Variants in SH3RF1 observed in about 807,000 individuals in gnomAD.
The protein encoded by SH3RF1 is SH3 domain containing ring finger 1.
SH3RF1 carries 32 observed loss-of-function variants against 74.0 expected under a neutral mutation model. That is an observed-to-expected ratio of 0.43 (90% confidence interval 0.33 to 0.58). SH3RF1 has a LOEUF of 0.58. Among genes scored for constraint, SH3RF1 ranks in the 20% least tolerant of loss-of-function variants. The pLI, the probability that SH3RF1 is intolerant of heterozygous loss-of-function variation, is 0.05. For synonymous variants in SH3RF1, 396 were observed against 439.6 expected (o/e 0.90, Z 1.24); for missense variants, 954 against 1,130.9 (o/e 0.84, Z 2.24).
chr4:169,210,407 A>C (rs1352761058), intron 2 of SH3RF1, among the ~76,000 whole-genome samples: 1 of 152,228 alleles, frequency 6.6e-6, no homozygotes, highest in Non-Finnish European at 1.5e-5. Context: ...TTATTTGTAG[A>C]ATGATTGAAA....
chr4:169,141,580 A>G (rs1733786846), intron 4 of SH3RF1, among the ~76,000 whole-genome samples: 1 of 151,272 alleles, frequency 6.6e-6, no homozygotes, highest in African/African-American at 2.4e-5. Flanking sequence ...GCTTATTTCC[A>G]TACTCTATCC....
intron 6 of SH3RF1, among the ~76,000 whole-genome samples, chr4:169,128,017 A>G (rs1579095917): frequency 6.6e-6 from 1 of 152,188 alleles, no homozygotes; most frequent in Non-Finnish European, 1.5e-5. Flanking sequence ...TCATGTTTGC[A>G]CTCAAAATGT....
chr4:169,166,224 C>A (rs919296586), intron 2 of SH3RF1: 2 of 151,870 alleles, frequency 1.3e-5, no homozygotes, highest in Admixed American at 1.3e-4. Context: ...TCCTACTAAC[C>A]AACAATTTGA....
chr4:169,255,625 ACACACAC>A (rs1561066174), intron 2 of SH3RF1, among the ~76,000 whole-genome samples: 1,288 of 128,424 alleles, frequency 0.01, 13 homozygotes, highest in African/African-American at 0.034. Context: ...ACACACATAC[ACACACAC>A]ACACACACAC....
At chr4:169,220,617 G>T (rs546068634) in intron 2 of SH3RF1, among the ~76,000 whole-genome samples, 1 of 152,320 alleles carries the variant, frequency 6.6e-6, no homozygotes, top group Non-Finnish European at 1.5e-5. Context: ...CCCACTTCCA[G>T]CAGTCTGGGC....
intron 2 of SH3RF1, among the ~76,000 whole-genome samples, chr4:169,250,731 G>A (rs1181988684): frequency 6.6e-6 from 1 of 152,118 alleles, no homozygotes; most frequent in Non-Finnish European, 1.5e-5. Flanking sequence ...TGTATAATGT[G>A]ATTTTAGACA....
chr4:169,262,353 A>G (rs747262671), intron 2 of SH3RF1, among the ~76,000 whole-genome samples: 1 of 152,180 alleles, frequency 6.6e-6, no homozygotes, highest in Non-Finnish European at 1.5e-5. Flanking sequence ...TGAAATCTAC[A>G]TTCTTTCTCA....
intron 2 of SH3RF1, among the ~76,000 whole-genome samples, chr4:169,227,761 G>A (rs1218236943): frequency 6.6e-6 from 1 of 152,146 alleles, no homozygotes; most frequent in Non-Finnish European, 1.5e-5. Context: ...AGTGCCCATC[G>A]AAGCCAGACC....
rs577686083 is a variant in SH3RF1, at chr4:169,236,312, T to A, written c.393+32508A>T. ...CCAGAACTCGACTTGCCAATTCCCT[T>A]CCTGGAAGCATGTGCTGAGATGGAG... On this transcript the variant is annotated intron_variant, in intron 2 of 11. Transcript: ENST00000284637. Among the ~76,000 whole-genome samples, 44 of 152,312 alleles carry A rather than the reference T, an allele frequency of 2.9e-4. 1 individual carries two copies. The South Asian group carries it at 8.3e-3, about 29-fold the overall frequency.
intron 2 of SH3RF1, among the ~76,000 whole-genome samples, chr4:169,256,615 G>T (rs1274066499): frequency 6.6e-6 from 1 of 151,938 alleles, no homozygotes; most frequent in Non-Finnish European, 1.5e-5. Flanking sequence ...CTTTCTTTTA[G>T]AGACAAGGTC....
At chr4:169,151,359 C>T (rs532868862) in intron 4 of SH3RF1, among the ~76,000 whole-genome samples, 102 of 152,320 alleles carry the variant, frequency 6.7e-4, no homozygotes, top group African/African-American at 2.3e-3. Context: ...ACTGACATTG[C>T]TCTTGCTGGT....
chr4:169,159,208 A>G (rs1037875872), intron 2 of SH3RF1, among the ~76,000 whole-genome samples: 2 of 152,152 alleles, frequency 1.3e-5, no homozygotes, highest in African/African-American at 2.4e-5. Context: ...GTCACATTAC[A>G]TTAGTGTCCA....
At chr4:169,226,771 T>C (rs183647657) in intron 2 of SH3RF1, among the ~76,000 whole-genome samples, 3 of 152,338 alleles carry the variant, frequency 2.0e-5, no homozygotes, top group Admixed American at 2.0e-4. Flanking sequence ...TAAAGTCTTA[T>C]AATAACTGTG....
chr4:169,116,715 A>T, intron 9 of SH3RF1, 85 bp from the exon 10 acceptor site: 1 of 1,459,296 alleles, frequency 6.9e-7, no homozygotes, highest in Non-Finnish European at 9.1e-7. Context: ...TCACTGCATC[A>T]GACCATGATG....
At chr4:169,180,801 A>G (rs181342417) in intron 2 of SH3RF1, among the ~76,000 whole-genome samples, 1 of 152,230 alleles carries the variant, frequency 6.6e-6, no homozygotes, top group Non-Finnish European at 1.5e-5. Flanking sequence ...AACAACAAAA[A>G]AAGTAAACCC....
At chr4:169,189,023 C>T (rs1465470176) in intron 2 of SH3RF1, among the ~76,000 whole-genome samples, 1 of 152,164 alleles carries the variant, frequency 6.6e-6, no homozygotes, top group Non-Finnish European at 1.5e-5. Context: ...ATGAAAACTT[C>T]CAGGGATACA....
intron 2 of SH3RF1, among the ~76,000 whole-genome samples, chr4:169,172,681 G>C (rs1734351167): frequency 6.6e-6 from 1 of 152,154 alleles, no homozygotes; most frequent in South Asian, 2.1e-4. Context: ...CTAGATGGTT[G>C]CTAAGGTATT....
chr4:169,123,760 C>A (rs1457914113), intron 6 of SH3RF1, among the ~76,000 whole-genome samples: 1 of 152,022 alleles, frequency 6.6e-6, no homozygotes, highest in African/African-American at 2.4e-5. Context: ...GGTGTGATGG[C>A]GGGTGCCAGT....
intron 2 of SH3RF1, among the ~76,000 whole-genome samples, chr4:169,195,028 C>G (rs1387535918): frequency 6.6e-6 from 1 of 152,162 alleles, no homozygotes; most frequent in East Asian, 1.9e-4. Flanking sequence ...TTTATAGTTG[C>G]ATTTTTGATC....
Sources: allele counts gnomAD v4.1 joint callset (sites outside exome capture counted in the v4.1 genomes callset), GRCh38; gene constraint gnomAD v4.1.1; transcripts MANE v1.5; gene names NCBI Gene and HGNC (gene_info 2026-07-23, HGNC 2026-07-21).